Variants in ZSCAN31 observed in about 807,000 individuals in gnomAD.
ZSCAN31 encodes the protein zinc finger and SCAN domain-containing protein 31.
In ZSCAN31, 14 loss-of-function variants were observed where a neutral mutation model predicts 22.5. That is an observed-to-expected ratio of 0.62 (90% CI 0.41 to 0.97). ZSCAN31 has a LOEUF of 0.97. Among genes scored for constraint, ZSCAN31 ranks in the 50% least tolerant of loss-of-function variants. ZSCAN31 has a pLI of 0.00. For synonymous variants in ZSCAN31, 168 were observed against 169.8 expected (o/e 0.99, Z 0.08); for missense variants, 424 against 483.4 (o/e 0.88, Z 1.15).
In ZSCAN31 at chr6:28,326,211, T is replaced by A. The variant is rs1192103701; in HGVS notation, c.1176A>T (p.Thr392=). The change falls in exon 4 of 4, where the codon ACA becomes ACT. Residue 392 remains threonine, a synonymous_variant. Transcript: ENST00000344279. ...GGATTTTCTGATGTTTCTTAAGAAG[T>A]GTCCGCTTACTAAAGAGTTTACTGC... is the stretch of plus-strand genomic sequence containing the variant. ...SQCSKLFSKR[T]LLKKHQKIHT... 5.0e-6 allele frequency: 8 copies of A among 1,613,442 alleles called. No individual in the cohort carries two copies. The highest frequency in any genetic ancestry group is 5.9e-6 in the Non-Finnish European group (7 of 1,179,592).
At chr6:28,343,027 A>G (rs1403476174) in intron 2 of ZSCAN31, among the ~76,000 whole-genome samples, 1 of 152,240 alleles carries the variant, frequency 6.6e-6, no homozygotes, top group African/African-American at 2.4e-5. Context: ...CTAGGTACCC[A>G]GAGTGTCATT....
intron 1 of ZSCAN31, 52 bp downstream of exon 1, chr6:28,336,030 A>T (rs1764142073): frequency 6.6e-6 from 1 of 152,252 alleles, no homozygotes; most frequent in Non-Finnish European, 1.5e-5. Context: ...CAAGGCACAG[A>T]CCTGAAATCT....
rs780514734 is a variant in ZSCAN31, at chr6:28,349,986, G to A, written c.-371+3876C>T. ...CTTTGTGAGTATGGGGTGAATCGGC[G>A]TCGGCCTTCCACTGTGGGGTTAAAT... is the stretch of plus-strand genomic sequence containing the variant. On this transcript the variant is annotated intron_variant, in intron 2 of 7. Transcript: ENST00000396838. This position sits in a 1 kb window ranked among gnomAD's most constrained non-coding sequence, Gnocchi z 4.1. The A allele has an allele frequency of 6.6e-6, 1 of 152,240 alleles. No homozygotes were observed. Among genetic ancestry groups the A allele is most frequent in the African/African-American group, 2.4e-5 (1 of 41,450 alleles). 9.4% of individuals were successfully genotyped at this position (152,240 alleles called of 1,614,324 possible). A position where few individuals can be genotyped will look rare whatever the true frequency, so the allele number is the denominator to read the frequency against.
chr6:28,342,495 A>G (rs547693826), intron 2 of ZSCAN31, among the ~76,000 whole-genome samples: 8 of 152,318 alleles, frequency 5.3e-5, no homozygotes, highest in African/African-American at 1.9e-4. Context: ...AAGGGAGTAA[A>G]AACACTATCT....
rs1449597440 is a variant in ZSCAN31 at position 28,326,541 on chromosome 6, C to T, written c.846G>A (p.Leu282=). ...CGKAFSRRSS[L]NEHRRSHTGE... ...CAGTGTGGCTCCGCCGATGTTCATTCAGGCTTGACCTCCGGCTGAAGGCCT... is the reference window on the plus strand; with the variant it reads ...CAGTGTGGCTCCGCCGATGTTCATTTAGGCTTGACCTCCGGCTGAAGGCCT... Residue 282 remains leucine, a synonymous_variant, in exon 4 of 4, where the codon CTG becomes CTA. Transcript: ENST00000344279. 1 of 1,614,142 alleles carries T rather than the reference C, an allele frequency of 6.2e-7. No homozygotes were observed. The highest frequency in any genetic ancestry group is 8.5e-7 in the Non-Finnish European group (1 of 1,180,018).
At chr6:28,340,245 T>G (rs1455712546), upstream of ZSCAN31, among the ~76,000 whole-genome samples, 5 of 152,238 alleles carry the variant, frequency 3.3e-5, no homozygotes, top group Admixed American at 2.0e-4. Context: ...ACATTTCACA[T>G]ATAGACAGAA....
At chr6:28,337,620 A>G (rs547325219), upstream of ZSCAN31, 1 of 152,218 alleles carries the variant, frequency 6.6e-6, no homozygotes, top group Admixed American at 6.5e-5. Context: ...GCTGGATATA[A>G]TAATAATGAA....
chr6:28,341,908 T>C (rs1205679034), intron 2 of ZSCAN31: 1 of 152,154 alleles, frequency 6.6e-6, no homozygotes, highest in Non-Finnish European at 1.5e-5. Context: ...CTGTAAGATG[T>C]GTAGGAACAC....
At chr6:28,341,496 A>G (rs1764411305) in intron 3 of ZSCAN31, among the ~76,000 whole-genome samples, 1 of 152,126 alleles carries the variant, frequency 6.6e-6, no homozygotes, top group African/African-American at 2.4e-5. Context: ...CTCATTACCT[A>G]ATCACTCCCA....
chr6:28,329,376 T>A lies in ZSCAN31; in HGVS notation c.308A>T (p.His103Leu). The A allele has an allele frequency of 6.2e-7, 1 of 1,614,022 alleles. No individual in the cohort carries two copies. Among genetic ancestry groups the A allele is most frequent in the Non-Finnish European group, 8.5e-7 (1 of 1,179,936 alleles). ...CACAGCCTCCTCCCCACTCTCCGGA[T>A]GGTGCTCCCGCACCCAGGCCTGGAG... is the stretch of plus-strand genomic sequence containing the variant. ...EELQAWVREH[H>L]PESGEEAVAV... The change falls in exon 2 of 4, where the codon CAT becomes CTT. Residue 103 changes from histidine (H) to leucine (L), a missense_variant. Coordinates refer to ENST00000344279, the MANE Select transcript of ZSCAN31 (RefSeq NM_030899.5).
chr6:28,328,614 C>A (rs1379161012), intron 2 of ZSCAN31, among the ~76,000 whole-genome samples: 1 of 152,124 alleles, frequency 6.6e-6, no homozygotes, highest in East Asian at 1.9e-4. Flanking sequence ...AACACACACG[C>A]TGTACAATTT....
chr6:28,350,112 T>TGTGTGTGTGTGTGTGTGTGTG (rs1439462758), intron 2 of ZSCAN31: 2 of 99,402 alleles, frequency 2.0e-5, no homozygotes, highest in South Asian at 3.4e-4. Context: ...GTGTGTGTGT[T>TGTGTGTGTGTGTGTGTGTGTG]TGTGGAGAGA....
chr6:28,354,172 C>A (rs1439246937), exon 1 of ZSCAN31: 1 of 349,056 alleles, frequency 2.9e-6, no homozygotes, highest in Non-Finnish European at 5.7e-6. Context: ...CTTACAGGGT[C>A]AGCAGTTTTT....
At chr6:28,338,608 C>A (rs1189225465), upstream of ZSCAN31, among the ~76,000 whole-genome samples, 2 of 152,084 alleles carry the variant, frequency 1.3e-5, no homozygotes, top group African/African-American at 4.8e-5. Context: ...AAGGTGTGAG[C>A]TGCTGCCACC....
Position 28,324,879 on chromosome 6 carries a change from T to A in ZSCAN31, c.*1287A>T, listed in dbSNP as rs1383105922. On this transcript the variant is annotated 3_prime_UTR_variant, in exon 4 of 4. Transcript: ENST00000344279. The surrounding 1 kb of genome is among the most constrained non-coding windows in gnomAD (Gnocchi z 4.8). Reference sequence around the variant, plus strand: ...CTAATTTTAACATGATACTTAAAATTCTACCTACATTTGTTAAATGCTATT... The same window carrying A: ...CTAATTTTAACATGATACTTAAAATACTACCTACATTTGTTAAATGCTATT... 1 of 152,204 alleles carries A rather than the reference T, an allele frequency of 6.6e-6. No homozygotes were observed. The highest frequency in any genetic ancestry group is 1.5e-5 in the Non-Finnish European group (1 of 68,036). The allele number at this position is 152,204 out of a possible 1,614,324, so 9.4% of individuals were successfully genotyped here.
At chr6:28,355,083 C>T (rs2113904592), upstream of ZSCAN31, among the ~76,000 whole-genome samples, 1 of 152,298 alleles carries the variant, frequency 6.6e-6, no homozygotes, top group South Asian at 2.1e-4. Context: ...TACCATGCCC[C>T]ATTGGGAATG....
At chr6:28,330,890 T>C (rs1561911526) in intron 1 of ZSCAN31, among the ~76,000 whole-genome samples, 1 of 152,078 alleles carries the variant, frequency 6.6e-6, no homozygotes, top group East Asian at 1.9e-4. Flanking sequence ...TAGACTAAAA[T>C]CATGAAAAGG....
At chr6:28,350,017 C>A (rs1474951034) in intron 2 of ZSCAN31, 1 of 152,444 alleles carries the variant, frequency 6.6e-6, no homozygotes, top group Admixed American at 6.5e-5. Flanking sequence ...TAAATCTCAT[C>A]CCGCGGCTCT....
intron 2 of ZSCAN31, among the ~76,000 whole-genome samples, chr6:28,328,113 T>C (rs1211922652): frequency 6.6e-6 from 1 of 152,118 alleles, no homozygotes; most frequent in Non-Finnish European, 1.5e-5. Context: ...TACAAGGTAA[T>C]AGAATATCAC....
Sources: gnomAD v4.1 joint callset for allele counts (sites outside exome capture counted in the v4.1 genomes callset) on GRCh38, gnomAD v4.1.1 for gene constraint, Gnocchi (gnomAD v3.1) non-coding constraint, MANE v1.5 for transcripts, NCBI Gene and HGNC (gene_info 2026-07-23, HGNC 2026-07-21) for gene names.